Variants in VCF1 observed in about 807,000 individuals in gnomAD.
The protein encoded by VCF1 is protein VCF1.
chr17:73,212,946 G>A, the VCF1 span, among the ~76,000 whole-genome samples: 48 of 151,668 alleles, frequency 3.2e-4, no homozygotes, highest in Non-Finnish European at 5.6e-4. Flanking sequence ...GCAATTTCCA[G>A]TTCATTTAAA....
the VCF1 span, among the ~76,000 whole-genome samples, chr17:73,224,253 G>A: frequency 3.4e-5 from 3 of 88,840 alleles, no homozygotes; most frequent in African/African-American, 9.2e-5. Context: ...ATAGTGAGAC[G>A]TCGTCTCTCC....
chr17:73,211,813 T>C, the VCF1 span, among the ~76,000 whole-genome samples: 1 of 152,104 alleles, frequency 6.6e-6, no homozygotes, highest in Non-Finnish European at 1.5e-5. Context: ...TGAGCCGAGA[T>C]CACGCCACTG....
At chr17:73,217,439 C>T in the VCF1 span, among the ~76,000 whole-genome samples, 1 of 151,054 alleles carries the variant, frequency 6.6e-6, no homozygotes, top group Non-Finnish European at 1.5e-5. Context: ...ATCACGAGGT[C>T]AAGAGATCGA....
chr17:73,232,227 G>C, the VCF1 span: 4 of 1,611,680 alleles, frequency 2.5e-6, no homozygotes, highest in East Asian at 6.7e-5. Flanking sequence ...AGCCGCTCGG[G>C]TGGACGCAGC....
At chr17:73,220,769 CTCTA>C in the VCF1 span, among the ~76,000 whole-genome samples, 12 of 150,806 alleles carry the variant, frequency 8.0e-5, no homozygotes, top group Non-Finnish European at 1.5e-4. Context: ...TTTTTTCACT[CTCTA>C]TCTGATATTA....
chr17:73,228,155 G>A, the VCF1 span, among the ~76,000 whole-genome samples: 279 of 152,328 alleles, frequency 1.8e-3, 1 homozygote, highest in African/African-American at 6.5e-3. Flanking sequence ...GCACTGACCA[G>A]CACAGATAAA....
chr17:73,223,497 G>A, the VCF1 span, among the ~76,000 whole-genome samples: 1 of 152,174 alleles, frequency 6.6e-6, no homozygotes, highest in Non-Finnish European at 1.5e-5. Flanking sequence ...TGTACAGATA[G>A]TTGTGATTTA....
At chr17:73,212,213 C>T in the VCF1 span, among the ~76,000 whole-genome samples, 1 of 152,092 alleles carries the variant, frequency 6.6e-6, no homozygotes, top group African/African-American at 2.4e-5. Flanking sequence ...TAAAGTGATT[C>T]TTAAAATCCT....
At chr17:73,209,631 G>A in the VCF1 span, 15 of 1,562,734 alleles carry the variant, frequency 9.6e-6, no homozygotes, top group Middle Eastern at 1.7e-4. Context: ...CGGACTGCTC[G>A]GGCACGGGCT....
the VCF1 span, among the ~76,000 whole-genome samples, chr17:73,231,825 T>C: frequency 6.6e-6 from 1 of 151,756 alleles, no homozygotes; most frequent in East Asian, 1.9e-4. Context: ...TCACACTTCG[T>C]TCCAAATAGG....
the VCF1 span, chr17:73,208,134 C>T: frequency 5.3e-4 from 794 of 1,487,666 alleles, 7 homozygotes; most frequent in African/African-American, 9.6e-3. Context: ...CACAAAGGCT[C>T]ATGCTGTTCC....
the VCF1 span, chr17:73,208,854 C>A: frequency 6.2e-6 from 2 of 321,702 alleles, no homozygotes; most frequent in South Asian, 5.4e-5. Flanking sequence ...GGAATAGTGA[C>A]ACAGAAGTTA....
At chr17:73,222,057 A>AC in the VCF1 span, among the ~76,000 whole-genome samples, 11 of 147,202 alleles carry the variant, frequency 7.5e-5, no homozygotes, top group Non-Finnish European at 1.5e-4. Flanking sequence ...AAAAAAAAAA[A>AC]CTAGCCAGGT....
At chr17:73,229,398 G>T in the VCF1 span, 1 of 985,384 alleles carries the variant, frequency 1.0e-6, no homozygotes, top group Non-Finnish European at 1.2e-6. Context: ...CCACAGACCA[G>T]GTTATGATTT....
chr17:73,207,744 T>C, the VCF1 span: 1 of 1,291,490 alleles, frequency 7.7e-7, no homozygotes, highest in Non-Finnish European at 1.0e-6. Context: ...TCCTGGGTAT[T>C]TCTGAATTGT....
At chr17:73,216,113 T>C in the VCF1 span, among the ~76,000 whole-genome samples, 6 of 151,826 alleles carry the variant, frequency 4.0e-5, no homozygotes, top group African/African-American at 1.5e-4. Context: ...ATCCTAGGAA[T>C]CTGTGGGAGA....
the VCF1 span, among the ~76,000 whole-genome samples, chr17:73,211,739 G>A: frequency 2.0e-5 from 3 of 149,806 alleles, no homozygotes; most frequent in African/African-American, 4.9e-5. Flanking sequence ...GTGTGCCTGT[G>A]GTCCCAGCTA....
chr17:73,215,281 T>A, the VCF1 span, among the ~76,000 whole-genome samples: 4 of 152,230 alleles, frequency 2.6e-5, no homozygotes, highest in African/African-American at 4.8e-5. Context: ...GAATTACCTA[T>A]GGGCTTTTTA....
chr17:73,212,768 A>G, the VCF1 span: 5 of 1,525,124 alleles, frequency 3.3e-6, no homozygotes, highest in South Asian at 4.8e-5. Flanking sequence ...AACTACAATC[A>G]GTTTCTAGTA....
Sources: allele counts gnomAD v4.1 joint callset (sites outside exome capture counted in the v4.1 genomes callset), GRCh38; gene constraint gnomAD v4.1.1; transcripts MANE v1.5; gene names NCBI Gene and HGNC (gene_info 2026-07-23, HGNC 2026-07-21).